The following CLASP1 variants were observed in gnomAD, a reference collection of about 807,000 sequenced individuals.
CLASP1 encodes cytoplasmic linker associated protein 1.
A neutral mutation model predicts 192.3 loss-of-function variants in CLASP1; 38 were observed. The ratio of observed to expected loss-of-function variants is 0.20; its 90% CI spans 0.15 to 0.26. The LOEUF is 0.26. CLASP1 is among the 10% of genes least tolerant of loss of function. The pLI is 1.00. For missense variants in CLASP1, 1,433 were observed against 1,932.5 expected (o/e 0.74, Z 4.85); for synonymous variants, 691 against 712.8 (o/e 0.97, Z 0.49).
intron 1 of CLASP1, among the ~76,000 whole-genome samples, chr2:121,609,064 G>A (rs1421175068): frequency 6.6e-6 from 1 of 152,186 alleles, no homozygotes; most frequent in Admixed American, 6.5e-5. Context: ...TGGACAATGA[G>A]TTTCCTTTCC....
intron 39 of CLASP1, among the ~76,000 whole-genome samples, chr2:121,342,450 A>G (rs955788570): frequency 6.6e-6 from 1 of 152,102 alleles, no homozygotes; most frequent in Non-Finnish European, 1.5e-5. Context: ...TGAAAATGAT[A>G]AGACAATTTT....
At chr2:121,403,362 G>T in intron 26 of CLASP1, 1 of 456,042 alleles carries the variant, frequency 2.2e-6, no homozygotes, top group Non-Finnish European at 4.4e-6. Context: ...AAATGACTGG[G>T]TGAATGAATG....
At chr2:121,367,787 C>G in exon 35 of CLASP1, 1 of 1,613,862 alleles carries the variant, frequency 6.2e-7, no homozygotes. Flanking sequence ...CACTACCCCC[C>G]CGGCCCTCAG....
At chr2:121,643,411 C>G (rs1423804773) in intron 1 of CLASP1, among the ~76,000 whole-genome samples, 3 of 152,142 alleles carry the variant, frequency 2.0e-5, no homozygotes, top group African/African-American at 7.2e-5. Flanking sequence ...GGACATTAAG[C>G]TGAGAGACAG....
At chr2:121,523,241 TAA>T (rs1343725477) in intron 6 of CLASP1, among the ~76,000 whole-genome samples, 1 of 152,248 alleles carries the variant, frequency 6.6e-6, no homozygotes, top group Non-Finnish European at 1.5e-5. Context: ...GTCAAACTGT[TAA>T]AGACTCGACA....
At position 121,432,306 on chromosome 2, in the gene CLASP1, T is replaced by A. The variant is rs2081573011; in HGVS notation, c.1913-2129A>T. ...GCTAATTTTTGTATTTTTAGTAGAG[T>A]CAGGATCTGACCATGTTGGCCAGGC... On this transcript the variant is annotated intron_variant, in intron 19 of 39. Coordinates refer to ENST00000263710, the Ensembl canonical transcript of CLASP1. 1.3e-5 allele frequency among the ~76,000 whole-genome samples: 2 copies of A among 151,918 alleles called. 1 individual carries two copies. The highest frequency in any genetic ancestry group is 4.2e-4 in the South Asian group (2 of 4,808).
exon 2 of CLASP1, chr2:121,605,829 C>T (rs200734193): frequency 1.7e-5 from 28 of 1,613,908 alleles, no homozygotes; most frequent in Admixed American, 3.3e-5. Context: ...TCTTGGCCAA[C>T]CTGCAATCGT....
chr2:121,542,803 A>C lies in CLASP1; in HGVS notation c.196-12478T>G, dbSNP rs529625667. ...GTCCATATAAAGGATTTTACCCTTC[A>C]AAAGGTATTTAGGATCATCACACCA... is the stretch of plus-strand genomic sequence containing the variant. On this transcript the variant is annotated intron_variant, in intron 2 of 39. Transcript: ENST00000263710. Among the ~76,000 whole-genome samples the C allele has an allele frequency of 2.6e-5, 4 of 152,348 alleles. No individual in the cohort carries two copies. In the East Asian group the frequency reaches 5.8e-4, roughly 22 times the overall value.
chr2:121,533,420 A>G (rs568687012), intron 2 of CLASP1, among the ~76,000 whole-genome samples: 1 of 152,340 alleles, frequency 6.6e-6, no homozygotes, highest in East Asian at 1.9e-4. Flanking sequence ...CCTCATCTGT[A>G]AAACATGGAC....
intron 2 of CLASP1, among the ~76,000 whole-genome samples, chr2:121,574,849 AT>A (rs2060344857): frequency 6.6e-6 from 1 of 151,144 alleles, no homozygotes; most frequent in South Asian, 2.1e-4. Flanking sequence ...AGGCAGCAGA[AT>A]TGCTTGAACC....
At position 121,528,659 on chromosome 2, in the gene CLASP1, C is replaced by A. The variant is rs1347294949; in HGVS notation, c.378+18G>T. ...GCGCACTGGCCAGCTGACCTCAAAA[C>A]ACATCTCTTGCCCCTACCTGGGGAT... On this transcript the variant is annotated intron_variant, in intron 4 of 39. Coordinates refer to ENST00000263710, the Ensembl canonical transcript of CLASP1. 6.2e-7 allele frequency: 1 copy of A among 1,611,442 alleles called. No homozygotes were observed. The highest frequency in any genetic ancestry group is 1.3e-5 in the African/African-American group (1 of 74,878).
chr2:121,448,840 G>A (rs1317010827), intron 17 of CLASP1, 113 bp downstream of exon 17: 3 of 1,004,496 alleles, frequency 3.0e-6, no homozygotes, highest in Non-Finnish European at 4.4e-6. Context: ...CTCAAGTAAG[G>A]GGGCGTTTTA....
chr2:121,578,273 C>T (rs542617782), intron 2 of CLASP1, among the ~76,000 whole-genome samples: 1 of 151,872 alleles, frequency 6.6e-6, no homozygotes, highest in Non-Finnish European at 1.5e-5. Context: ...AAGAAACAAA[C>T]AAACAAACAA....
In CLASP1 at chr2:121,611,638, G is replaced by A. The variant is rs537298272; in HGVS notation, c.-285-5458C>T. On this transcript the variant is annotated intron_variant, in intron 1 of 39. Coordinates refer to ENST00000263710, the Ensembl canonical transcript of CLASP1. ...ACAGGAGGAAGAGGAACTGGAGGAA[G>A]AGGAGGAGTTGGAGGAGTTACAGGA... 6.7e-4 allele frequency among the ~76,000 whole-genome samples: 76 copies of A among 112,910 alleles called. No individual in the cohort carries two copies. In the East Asian group the frequency reaches 0.022, roughly 33 times the overall value. 74.1% of individuals were successfully genotyped at this position (112,910 alleles called of 152,430 possible). A position where few individuals can be genotyped will look rare whatever the true frequency, so the allele number is the denominator to read the frequency against.
intron 32 of CLASP1, among the ~76,000 whole-genome samples, chr2:121,386,004 A>G (rs1168198245): frequency 3.9e-5 from 6 of 152,222 alleles, no homozygotes; most frequent in South Asian, 2.1e-4. Context: ...GGGAGTAAAC[A>G]TAAGGGCAAT....
chr2:121,504,186 C>T (rs745750346), intron 7 of CLASP1, among the ~76,000 whole-genome samples: 17 of 151,164 alleles, frequency 1.1e-4, no homozygotes, highest in Non-Finnish European at 2.5e-4. Context: ...GAGCCGAGAC[C>T]GTGCCACTGC....
chr2:121,608,609 G>A (rs1000624283), intron 1 of CLASP1, among the ~76,000 whole-genome samples: 2 of 152,094 alleles, frequency 1.3e-5, no homozygotes, highest in South Asian at 2.1e-4. Context: ...CATTCCAGTC[G>A]TCATCCGACT....
At chr2:121,524,925 T>C (rs761510812) in intron 6 of CLASP1, among the ~76,000 whole-genome samples, 12 of 151,712 alleles carry the variant, frequency 7.9e-5, no homozygotes, top group Non-Finnish European at 1.6e-4. Flanking sequence ...AAGAGCACGA[T>C]AAGGAAAGGG....
At chr2:121,626,654 G>A (rs2068435450) in intron 1 of CLASP1, among the ~76,000 whole-genome samples, 1 of 151,986 alleles carries the variant, frequency 6.6e-6, no homozygotes, top group Non-Finnish European at 1.5e-5. Flanking sequence ...TGAACTCCTG[G>A]CCTCAAGTGA....
Sources: allele counts gnomAD v4.1 joint callset (sites outside exome capture counted in the v4.1 genomes callset), GRCh38; gene constraint gnomAD v4.1.1; transcripts MANE v1.5; gene names NCBI Gene and HGNC (gene_info 2026-07-23, HGNC 2026-07-21).